Variants in PPFIA2 observed in about 807,000 individuals in gnomAD.
The protein encoded by PPFIA2 is liprin-alpha-2.
Under a neutral mutation model 175.5 loss-of-function variants are expected in PPFIA2, and 46 were observed. The observed-to-expected ratio is 0.26, with a 90% CI of 0.21 to 0.34. The LOEUF (loss-of-function observed/expected upper bound fraction) is 0.34, where lower values mean the gene tolerates loss of function less well. Among genes scored for constraint, PPFIA2 ranks in the 10% least tolerant of loss-of-function variants. PPFIA2 has a pLI of 1.00. For missense variants in PPFIA2, 1,179 were observed against 1,506.1 expected (o/e 0.78, Z 3.60); for synonymous variants, 568 against 511.4 (o/e 1.11, Z -1.49).
chr12:81,393,391 C>T (rs1180652452), intron 8 of PPFIA2, among the ~76,000 whole-genome samples: 1 of 152,032 alleles, frequency 6.6e-6, no homozygotes, highest in African/African-American at 2.4e-5. Flanking sequence ...AATAAAGAAT[C>T]AACACTAGAG....
chr12:81,344,548 A>G (rs2058704878), intron 19 of PPFIA2, 116 bp downstream of exon 19: 2 of 671,408 alleles, frequency 3.0e-6, no homozygotes, highest in South Asian at 2.8e-5. Flanking sequence ...TACACTTTAA[A>G]TACTCTCAAC....
chr12:81,544,119 C>G (rs1034361584), intron 4 of PPFIA2, among the ~76,000 whole-genome samples: 6 of 152,080 alleles, frequency 3.9e-5, no homozygotes, highest in African/African-American at 1.4e-4. Flanking sequence ...GACCAATGTA[C>G]CATACCAATG....
intron 4 of PPFIA2, among the ~76,000 whole-genome samples, chr12:81,654,706 A>G (rs973671049): frequency 1.6e-4 from 24 of 152,130 alleles, no homozygotes; most frequent in Non-Finnish European, 8.8e-5. Flanking sequence ...TCCATTAAAC[A>G]CTAAGCAGAG....
chr12:81,341,900 A>G (rs1474443590), intron 19 of PPFIA2, among the ~76,000 whole-genome samples: 1 of 152,170 alleles, frequency 6.6e-6, no homozygotes, highest in East Asian at 1.9e-4. Flanking sequence ...ATAAAATATA[A>G]CTTTATCAGA....
At chr12:81,711,819 T>C (rs1038219817) in intron 3 of PPFIA2, among the ~76,000 whole-genome samples, 7 of 150,726 alleles carry the variant, frequency 4.6e-5, no homozygotes, top group African/African-American at 1.7e-4. Context: ...TTTCCAAATG[T>C]CCTTCAGCAA....
At chr12:81,272,713 C>T (rs1208785992) in intron 28 of PPFIA2, among the ~76,000 whole-genome samples, 1 of 152,054 alleles carries the variant, frequency 6.6e-6, no homozygotes, top group East Asian at 1.9e-4. Context: ...TTGGCTCTCA[C>T]ATAATATGAT....
At chr12:81,272,065 T>C (rs2039280418) in intron 28 of PPFIA2, among the ~76,000 whole-genome samples, 1 of 152,188 alleles carries the variant, frequency 6.6e-6, no homozygotes, top group African/African-American at 2.4e-5. Context: ...TAGCATTATT[T>C]AGTTGAGCAA....
At position 81,636,650 on chromosome 12, in the gene PPFIA2, GTTTGTTTTGTTT is replaced by G. The variant is rs1223040947; in HGVS notation, c.303+40129_303+40140del. 2.0e-5 allele frequency among the ~76,000 whole-genome samples: 3 copies of G among 151,622 alleles called. No individual in the cohort carries two copies. In the East Asian group the frequency reaches 5.9e-4, roughly 30 times the overall value. On this transcript the variant is annotated intron_variant, in intron 4 of 32. Transcript: ENST00000549396. The stretch of plus-strand genomic sequence containing the variant: ...TCCAAATCCTTAGAATGAAATTTTG[GTTTGTTTTGTTT>G]TTTGTTTTGAGACAGAGTCTTGTTC...
intron 24 of PPFIA2, among the ~76,000 whole-genome samples, chr12:81,294,416 GGGAAGGAAGGAAGGAAGGTAGGTA>G (rs1394403280): frequency 1.6e-5 from 2 of 124,098 alleles, no homozygotes; most frequent in Non-Finnish European, 3.3e-5. Flanking sequence ...GAAGGAAGAA[GGGAAGGAAGGAAGGAAGGTAGGTA>G]GGAAGGAAGG....
At chr12:81,279,400 T>C (rs1329127129) in intron 27 of PPFIA2, 2 of 152,128 alleles carry the variant, frequency 1.3e-5, no homozygotes, top group African/African-American at 4.8e-5. Context: ...TAGATAATAC[T>C]GATATAATCA....
intron 3 of PPFIA2, among the ~76,000 whole-genome samples, chr12:81,686,556 A>G (rs1596383980): frequency 6.6e-6 from 1 of 152,022 alleles, no homozygotes; most frequent in Admixed American, 6.6e-5. Context: ...CTCAGTCTCA[A>G]TCAATTTCTG....
intron 4 of PPFIA2, among the ~76,000 whole-genome samples, chr12:81,612,032 G>A (rs2060974507): frequency 6.6e-6 from 1 of 152,042 alleles, no homozygotes; most frequent in South Asian, 2.1e-4. Context: ...TTCAGCCTCA[G>A]TTTCAGAGTC....
intron 4 of PPFIA2, among the ~76,000 whole-genome samples, chr12:81,650,111 G>A (rs12319716): frequency 0.31 from 46,886 of 151,270 alleles, 8,212 homozygotes; most frequent in Middle Eastern, 0.41. Context: ...CCAGATTCAC[G>A]CCATTCTCCT....
intron 7 of PPFIA2, among the ~76,000 whole-genome samples, chr12:81,415,291 C>T (rs1370403735): frequency 2.8e-5 from 3 of 105,614 alleles, no homozygotes; most frequent in Non-Finnish European, 3.6e-5. Context: ...TAAAATACTT[C>T]CACTCAGTCA....
intron 11 of PPFIA2, chr12:81,369,478 A>G (rs549689707): frequency 7.6e-4 from 940 of 1,236,896 alleles, no homozygotes; most frequent in Non-Finnish European, 9.3e-4. Context: ...CAAACCTGCC[A>G]TTGTCCAATC....
rs1172903188 is a variant in PPFIA2, at chr12:81,368,181, T to C, written c.1482+544A>G. ...GTAGCTGCCAACTATCAATGAGACATATATAACTGTAAATCACATTGCAGA... is the reference window on the plus strand; with the variant it reads ...GTAGCTGCCAACTATCAATGAGACACATATAACTGTAAATCACATTGCAGA... On this transcript the variant is annotated intron_variant, in intron 13 of 32. Transcript: ENST00000549396. 3.9e-6 allele frequency: 5 copies of C among 1,282,768 alleles called. No homozygotes were observed. In the Admixed American group the frequency reaches 9.2e-5, roughly 24 times the overall value. 79.5% of individuals were successfully genotyped at this position (1,282,768 alleles called of 1,614,324 possible).
At chr12:81,436,662 C>G (rs561418953) in intron 7 of PPFIA2, among the ~76,000 whole-genome samples, 14 of 152,142 alleles carry the variant, frequency 9.2e-5, no homozygotes, top group Admixed American at 6.6e-5. Flanking sequence ...ATCAACAACT[C>G]AAACTGCAAG....
In PPFIA2 at chr12:81,611,310, C is replaced by T. The variant is rs567225526; in HGVS notation, c.303+65481G>A. ...GGCATACTCCACTCCTACCTGGGGC[C>T]CGGGACCCAGCAACTGGCCCCTCTC... On this transcript the variant is annotated intron_variant, in intron 4 of 32. Transcript: ENST00000549396. Among the ~76,000 whole-genome samples, 9 of 152,224 alleles carry T rather than the reference C, an allele frequency of 5.9e-5. No individual in the cohort carries two copies. The South Asian group carries it at 1.9e-3, about 32-fold the overall frequency.
At chr12:81,680,980 A>T (rs940441165) in intron 3 of PPFIA2, among the ~76,000 whole-genome samples, 1 of 152,006 alleles carries the variant, frequency 6.6e-6, no homozygotes, top group Admixed American at 6.6e-5. Flanking sequence ...CACTTGTCTC[A>T]TCTGAATCCT....
Sources: gnomAD v4.1 joint callset for allele counts (sites outside exome capture counted in the v4.1 genomes callset) on GRCh38, gnomAD v4.1.1 for gene constraint, MANE v1.5 for transcripts, NCBI Gene and HGNC (gene_info 2026-07-23, HGNC 2026-07-21) for gene names.